Variants in SPDEF observed in about 807,000 individuals in gnomAD.
SPDEF encodes the protein SAM pointed domain containing ETS transcription factor.
A neutral mutation model predicts 36.0 loss-of-function variants in SPDEF; 12 were observed. The ratio of observed to expected loss-of-function variants is 0.33; its 90% CI spans 0.21 to 0.54. SPDEF has a LOEUF of 0.54. Ranked by LOEUF, SPDEF falls within the 20% of genes least tolerant of loss-of-function variation. The probability of loss-of-function intolerance (pLI) is 0.93; values close to 1 mark genes in which losing one functional copy is unlikely to be tolerated. For missense variants in SPDEF, 388 were observed against 456.9 expected (o/e 0.85, Z 1.37); for synonymous variants, 205 against 193.0 (o/e 1.06, Z -0.51).
At chr6:34,553,944 C>A (rs1768116501) in intron 1 of SPDEF, among the ~76,000 whole-genome samples, 1 of 151,322 alleles carries the variant, frequency 6.6e-6, no homozygotes, top group Non-Finnish European at 1.5e-5. Context: ...CCCCCCAACG[C>A]CCAGGAGACC....
At chr6:34,546,098 C>A (rs1371284129) in intron 1 of SPDEF, among the ~76,000 whole-genome samples, 1 of 152,118 alleles carries the variant, frequency 6.6e-6, no homozygotes, top group Non-Finnish European at 1.5e-5. Flanking sequence ...TAGTTTCAAG[C>A]AGTGGTTCTC....
In SPDEF at chr6:34,544,608, TC is replaced by T; in HGVS notation, c.-29-125del. On this transcript the variant is annotated intron_variant, in intron 1 of 5. Coordinates refer to ENST00000374037, the MANE Select transcript of SPDEF (RefSeq NM_012391.3). This position sits in a 1 kb window ranked among gnomAD's most constrained non-coding sequence, Gnocchi z 4.4. ...TGGGCCTGGGACAGAGTTGGGGGCT[TC>T]CGGGTCATTGGGCAGCCACGACATG... 1.4e-6 allele frequency: 1 copy of T among 726,044 alleles called. No homozygotes were observed. The highest frequency in any genetic ancestry group is 1.8e-5 in the African/African-American group (1 of 55,460). The allele number at this position is 726,044 out of a possible 1,614,324, so 45.0% of individuals were successfully genotyped here.
At chr6:34,542,508 C>T (rs1767844108) in intron 2 of SPDEF, among the ~76,000 whole-genome samples, 1 of 152,252 alleles carries the variant, frequency 6.6e-6, no homozygotes, top group African/African-American at 2.4e-5. Flanking sequence ...CTGTGTCACT[C>T]ACTATCATGT....
In SPDEF at chr6:34,555,331, A is replaced by G. The variant is rs1768146183; in HGVS notation, c.-30+598T>C. Among the ~76,000 whole-genome samples, 1 of 151,822 alleles carries G rather than the reference A, an allele frequency of 6.6e-6. No homozygotes were observed. Among genetic ancestry groups the G allele is most frequent in the Non-Finnish European group, 1.5e-5 (1 of 67,928 alleles). ...GGACCCAAGGCTCTCAGCTTCCCCCAGTGTCCAAGGGCTCAGAGTGTGTGC... is the reference window on the plus strand; with the variant it reads ...GGACCCAAGGCTCTCAGCTTCCCCCGGTGTCCAAGGGCTCAGAGTGTGTGC... On this transcript the variant is annotated intron_variant, in intron 1 of 5. Coordinates refer to ENST00000374037, the MANE Select transcript of SPDEF (RefSeq NM_012391.3). This position sits in a 1 kb window ranked among gnomAD's most constrained non-coding sequence, Gnocchi z 5.2.
rs371977470 is a variant in SPDEF, at chr6:34,538,223, C to A, written c.*51G>T. ...ATCTCAGGGCCTGGCTGAGGCAGGG[C>A]AGGCAGGAGAGAGGCCCCTGAGGGC... On this transcript the variant is annotated 3_prime_UTR_variant, in exon 6 of 6. Transcript: ENST00000374037. The surrounding 1 kb of genome is among the most constrained non-coding windows in gnomAD (Gnocchi z 5.9). 1 of 1,568,510 alleles carries A rather than the reference C, an allele frequency of 6.4e-7. No individual in the cohort carries two copies. The highest frequency in any genetic ancestry group is 1.2e-5 in the South Asian group (1 of 85,558).
At position 34,544,186 on chromosome 6, in the gene SPDEF, A is replaced by G; in HGVS notation, c.270T>C (p.Pro90=). Residue 90 remains proline (P), a synonymous_variant, in exon 2 of 6, where the codon CCT becomes CCC. Coordinates refer to ENST00000374037, the MANE Select transcript of SPDEF (RefSeq NM_012391.3). This position sits in a 1 kb window ranked among gnomAD's most constrained non-coding sequence, Gnocchi z 4.4. ...ASSREEPPEE[P]EQCPVIDSQA... ...GGCTGTCAATGACCGGGCACTGCTC[A>G]GGCTCCTCAGGTGGCTCCTCCCGAC... is the stretch of plus-strand genomic sequence containing the variant. 6.2e-7 allele frequency: 1 copy of G among 1,613,890 alleles called. No individual in the cohort carries two copies. Among genetic ancestry groups the G allele is most frequent in the Non-Finnish European group, 8.5e-7 (1 of 1,179,952 alleles).
chr6:34,546,140 G>A (rs766222274), intron 1 of SPDEF, among the ~76,000 whole-genome samples: 4 of 152,150 alleles, frequency 2.6e-5, no homozygotes, highest in Non-Finnish European at 2.9e-5. Context: ...CAGAACCAGC[G>A]CCACCTCGGA....
rs558338579 is a variant in SPDEF, at chr6:34,555,635, G to A, written c.-30+294C>T. Among the ~76,000 whole-genome samples, 5 of 151,534 alleles carry A rather than the reference G, an allele frequency of 3.3e-5. No individual in the cohort carries two copies. Among genetic ancestry groups the A allele is most frequent in the Non-Finnish European group, 5.9e-5 (4 of 67,794 alleles). ...GGCCGGGGCTCTGCATCTGCACGGC[G>A]GCCTCCCCTCAGGCTGGGCAGACTG... On this transcript the variant is annotated intron_variant, in intron 1 of 5. Transcript: ENST00000374037. The surrounding 1 kb of genome is among the most constrained non-coding windows in gnomAD (Gnocchi z 5.2).
rs1007864934 is a variant in SPDEF, at chr6:34,544,398, G to A, written c.58C>T (p.Pro20Ser). Reference protein sequence around the residue: ...SVSPSHLLLPPDTVSRTGLEK... With the variant: ...SVSPSHLLLPSDTVSRTGLEK... ...AAGCCTGTCCGCGACACCGTGTCGG[G>A]GGGCAGCAGGAGGTGGCTGGGGGAT... is the stretch of plus-strand genomic sequence containing the variant. The change falls in exon 2 of 6, where the codon CCC becomes TCC. Residue 20 changes from proline (P) to serine (S), a missense_variant. Physicochemically the swap from Pro to Ser is moderately conservative, Grantham distance 74. This residue lies in a region of SPDEF where 308 missense variants were observed against 326.1 expected (regional missense o/e 0.94). Coordinates refer to ENST00000374037, the MANE Select transcript of SPDEF (RefSeq NM_012391.3). The surrounding 1 kb of genome is among the most constrained non-coding windows in gnomAD (Gnocchi z 4.4). The A allele has an allele frequency of 5.0e-6, 8 of 1,590,268 alleles. No homozygotes were observed. Among genetic ancestry groups the A allele is most frequent in the African/African-American group, 4.0e-5 (3 of 74,582 alleles).
rs746443678 is a variant in SPDEF, at chr6:34,544,472, C to G, written c.-17G>C. 5.5e-5 allele frequency: 83 copies of G among 1,522,256 alleles called. No individual in the cohort carries two copies. The highest frequency in any genetic ancestry group is 7.1e-5 in the Non-Finnish European group (81 of 1,136,836). 94.3% of individuals were successfully genotyped at this position (1,522,256 alleles called of 1,614,324 possible). A position where few individuals can be genotyped will look rare whatever the true frequency, so the allele number is the denominator to read the frequency against. On this transcript the variant is annotated 5_prime_UTR_variant, in exon 2 of 6. Coordinates refer to ENST00000374037, the MANE Select transcript of SPDEF (RefSeq NM_012391.3). This position sits in a 1 kb window ranked among gnomAD's most constrained non-coding sequence, Gnocchi z 4.4. ...GCTGCCCATGCCGCTGCTGTTTGGG[C>G]TGGCGGCTGTGTCTACGGAAATGAA... is the stretch of plus-strand genomic sequence containing the variant.
At chr6:34,542,564 C>G (rs908116584) in intron 2 of SPDEF, among the ~76,000 whole-genome samples, 1 of 152,236 alleles carries the variant, frequency 6.6e-6, no homozygotes. Flanking sequence ...CACTCAATTC[C>G]CCCGTCCTAG....
At chr6:34,547,379 ACT>A (rs1213115714) in intron 1 of SPDEF, among the ~76,000 whole-genome samples, 1 of 151,668 alleles carries the variant, frequency 6.6e-6, no homozygotes, top group Non-Finnish European at 1.5e-5. Flanking sequence ...CACAGGCCTT[ACT>A]CTCTCTTTTT....
In SPDEF at chr6:34,555,126, A is replaced by G. The variant is rs902423640; in HGVS notation, c.-30+803T>C. On this transcript the variant is annotated intron_variant, in intron 1 of 5. Coordinates refer to ENST00000374037, the MANE Select transcript of SPDEF (RefSeq NM_012391.3). The surrounding 1 kb of genome is among the most constrained non-coding windows in gnomAD (Gnocchi z 5.2). The stretch of plus-strand genomic sequence containing the variant: ...ACCACACACACACATACTTCCGCGC[A>G]CACACACGCACGCACACACCTCCAC... Among the ~76,000 whole-genome samples, 56 of 142,848 alleles carry G rather than the reference A, an allele frequency of 3.9e-4. No homozygotes were observed. Among genetic ancestry groups the G allele is most frequent in the Admixed American group, 1.9e-3 (27 of 14,574 alleles). The allele number at this position is 142,848 out of a possible 152,430, so 93.7% of individuals were successfully genotyped here.
intron 1 of SPDEF, among the ~76,000 whole-genome samples, chr6:34,554,607 G>C (rs1052230414): frequency 4.6e-5 from 7 of 152,240 alleles, no homozygotes; most frequent in African/African-American, 1.7e-4. Context: ...ACCTGCCTGG[G>C]AGCTCCGAGA....
At chr6:34,546,477 A>G (rs1012358731) in intron 1 of SPDEF, among the ~76,000 whole-genome samples, 4 of 152,094 alleles carry the variant, frequency 2.6e-5, no homozygotes, top group African/African-American at 9.7e-5. Flanking sequence ...GGGACAAGGG[A>G]AAGAACCCAG....
At chr6:34,553,355 TG>T (rs1166279061) in intron 1 of SPDEF, among the ~76,000 whole-genome samples, 1 of 142,264 alleles carries the variant, frequency 7.0e-6, no homozygotes, top group Non-Finnish European at 1.5e-5. Flanking sequence ...AAGTTTGCTT[TG>T]GGAAGAGTTG....
At position 34,541,119 on chromosome 6, in the gene SPDEF, G is replaced by A. The variant is rs535090810; in HGVS notation, c.499C>T (p.Arg167Trp). The A allele has an allele frequency of 7.5e-6, 12 of 1,609,928 alleles. No homozygotes were observed. Among genetic ancestry groups the A allele is most frequent in the East Asian group, 4.5e-5 (2 of 44,790 alleles). Residue 167 changes from arginine to tryptophan, a missense_variant, in exon 3 of 6, where the codon CGG becomes TGG. Transcript: ENST00000374037. ...KWLLWTEHQY[R>W]LPPMGKAFQE... ...AAGGCCTTGCCCATGGGGGGCAGCC[G>A]GTATTGGTGCTCTGTCCACAGGAGC... is the stretch of plus-strand genomic sequence containing the variant.
chr6:34,540,569 G>A (rs77642938), intron 3 of SPDEF, among the ~76,000 whole-genome samples: 1,840 of 151,714 alleles, frequency 0.012, 42 homozygotes, highest in East Asian at 0.095. Context: ...ACTGTTCATG[G>A]TACACTACTT....
In SPDEF at chr6:34,539,435, A is replaced by G. The variant is rs746347263; in HGVS notation, c.683-39T>C. ...GAGGGTGGCGGTGAGTGGGAATGGGAGGCCAGTCCCGGCTTCATTGGCAGC... is the reference window on the plus strand; with the variant it reads ...GAGGGTGGCGGTGAGTGGGAATGGGGGGCCAGTCCCGGCTTCATTGGCAGC... On this transcript the variant is annotated intron_variant, in intron 4 of 5. Coordinates refer to ENST00000374037, the MANE Select transcript of SPDEF (RefSeq NM_012391.3). The surrounding 1 kb of genome is among the most constrained non-coding windows in gnomAD (Gnocchi z 5.2). 2.5e-6 allele frequency: 4 copies of G among 1,611,948 alleles called. No individual in the cohort carries two copies. The South Asian group carries it at 4.4e-5, about 18-fold the overall frequency.
Sources: allele counts gnomAD v4.1 joint callset (sites outside exome capture counted in the v4.1 genomes callset), GRCh38; gene constraint gnomAD v4.1.1; regional missense constraint gnomAD v4.1.1; non-coding constraint Gnocchi (gnomAD v3.1); transcripts MANE v1.5; gene names NCBI Gene and HGNC (gene_info 2026-07-23, HGNC 2026-07-21).